The following WDR33 variants were observed in gnomAD, a reference collection of about 807,000 sequenced individuals.
WDR33 encodes the protein pre-mRNA 3' end processing protein WDR33.
Under a neutral mutation model 164.9 loss-of-function variants are expected in WDR33, and 47 were observed. That is an observed-to-expected ratio of 0.29 (90% CI 0.23 to 0.36). The LOEUF is 0.36. Ranked by LOEUF, WDR33 falls within the 10% of genes least tolerant of loss-of-function variation. WDR33 has a pLI of 1.00. For synonymous variants in WDR33, 505 were observed against 589.0 expected (o/e 0.86, Z 2.06); for missense variants, 1,137 against 1,754.1 (o/e 0.65, Z 6.28).
At chr2:127,792,600 G>A (rs543911073) in intron 1 of WDR33, among the ~76,000 whole-genome samples, 7 of 151,970 alleles carry the variant, frequency 4.6e-5, no homozygotes, top group South Asian at 2.1e-4. Context: ...CCTGGGAGGC[G>A]GAGGCAGAGG....
intron 7 of WDR33, among the ~76,000 whole-genome samples, chr2:127,750,679 T>A (rs370025908): frequency 0.045 from 1,026 of 22,694 alleles, 11 homozygotes; most frequent in Middle Eastern, 0.067. Flanking sequence ...AAAAAAAAAA[T>A]ATATATATAT....
At chr2:127,775,469 G>A (rs983843693) in intron 1 of WDR33, among the ~76,000 whole-genome samples, 4 of 152,192 alleles carry the variant, frequency 2.6e-5, no homozygotes, top group African/African-American at 7.2e-5. Flanking sequence ...GATTACAGGC[G>A]TGAGCCATCG....
At chr2:127,761,451 C>T (rs1375015582) in intron 7 of WDR33, among the ~76,000 whole-genome samples, 5 of 152,178 alleles carry the variant, frequency 3.3e-5, no homozygotes, top group African/African-American at 7.2e-5. Flanking sequence ...CCGCCCACCT[C>T]GGCCTCCCAA....
chr2:127,708,884 G>A lies in WDR33; in HGVS notation c.3574C>T (p.His1192Tyr). Residue 1192 changes from histidine (H) to tyrosine (Y), a missense_variant, in exon 21 of 22, where the codon CAT becomes TAT. Physicochemically the swap from His to Tyr is moderately conservative, Grantham distance 83. Around this residue, in one of 9 missense-constraint regions of WDR33, gnomAD observed 867 missense variants for 1,073.0 expected, o/e 0.81. Transcript: ENST00000322313. This position sits in a 1 kb window ranked among gnomAD's most constrained non-coding sequence, Gnocchi z 6.7. ...WDGNREPGPG[H>Y]EHFRDTPRPD... is the part of the protein sequence containing the mutation. ...CGGGGAGTATCACGAAAATGTTCAT[G>A]ACCTGGCCCTGAAACAAGAAACAAA... 1 of 1,560,194 alleles carries A rather than the reference G, an allele frequency of 6.4e-7. No individual in the cohort carries two copies. Among genetic ancestry groups the A allele is most frequent in the Non-Finnish European group, 8.7e-7 (1 of 1,148,912 alleles).
Position 127,702,141 on chromosome 2 carries a change from C to A in WDR33, c.*4182G>T. The A allele has an allele frequency of 8.2e-7, 1 of 1,215,694 alleles. No individual in the cohort carries two copies. The highest frequency in any genetic ancestry group is 3.2e-4 in the Middle Eastern group (1 of 3,108). The allele number at this position is 1,215,694 out of a possible 1,614,324, so 75.3% of individuals were successfully genotyped here. A position where few individuals can be genotyped will look rare whatever the true frequency, so the allele number is the denominator to read the frequency against. ...GCGCCTCGCACTGGGTCGCCTGGGC[C>A]GCGGCGCCGGCCTCGCCAAGGTGCT... is the stretch of plus-strand genomic sequence containing the variant. On this transcript the variant is annotated 3_prime_UTR_variant, in exon 22 of 22. Coordinates refer to ENST00000322313, the MANE Select transcript of WDR33 (RefSeq NM_018383.5).
chr2:127,794,828 C>T (rs1468612862), intron 1 of WDR33, among the ~76,000 whole-genome samples: 2 of 114,540 alleles, frequency 1.7e-5, no homozygotes, highest in Non-Finnish European at 3.4e-5. Context: ...AGCGAGACTC[C>T]GTTTCAAAAA....
rs774639936 is a variant in WDR33 at position 127,713,595 on chromosome 2, C to T, written c.3296G>A (p.Arg1099His). 30 of 1,614,090 alleles carry T rather than the reference C, an allele frequency of 1.9e-5. No homozygotes were observed. The highest frequency in any genetic ancestry group is 4.5e-5 in the East Asian group (2 of 44,898). The change falls in exon 18 of 22, where the codon CGC becomes CAC. Residue 1099 changes from arginine to histidine, a missense_variant. By Grantham distance (29) the Arg-to-His change is conservative. Transcript: ENST00000322313. The surrounding 1 kb of genome is among the most constrained non-coding windows in gnomAD (Gnocchi z 6.2). ...RDPEDPRFRG[R>H]REESFRRGAP... ...GTATCTGTCCCACCTTTCTTCTCTG[C>T]GCCCTCGAAAACGTGGGTCCTCGGG...
At position 127,764,033 on chromosome 2, in the gene WDR33, T is replaced by C; in HGVS notation, c.626+795A>G. On this transcript the variant is annotated intron_variant, in intron 6 of 21. Transcript: ENST00000322313. The surrounding 1 kb of genome is among the most constrained non-coding windows in gnomAD (Gnocchi z 6.2). Reference sequence around the variant, plus strand: ...AAAGATGTCAACCTCCTCCCACACATGGGTGGCACAACCTTAAAGAATGCT... The same window carrying C: ...AAAGATGTCAACCTCCTCCCACACACGGGTGGCACAACCTTAAAGAATGCT... The C allele has an allele frequency of 2.0e-6, 2 of 986,286 alleles. No individual in the cohort carries two copies. The highest frequency in any genetic ancestry group is 2.4e-6 in the Non-Finnish European group (2 of 830,616). 61.1% of individuals were successfully genotyped at this position (986,286 alleles called of 1,614,324 possible). A position where few individuals can be genotyped will look rare whatever the true frequency, so the allele number is the denominator to read the frequency against.
intron 1 of WDR33, among the ~76,000 whole-genome samples, chr2:127,781,239 T>C (rs1014261685): frequency 5.3e-5 from 8 of 152,182 alleles, no homozygotes; most frequent in African/African-American, 9.7e-5. Flanking sequence ...ATCCAAGAGA[T>C]TGCATATTGT....
intron 7 of WDR33, among the ~76,000 whole-genome samples, chr2:127,746,376 T>C (rs1458721489): frequency 1.3e-5 from 2 of 152,244 alleles, no homozygotes; most frequent in Non-Finnish European, 2.9e-5. Flanking sequence ...TCTCTTTTAA[T>C]ACCTTTCCTA....
chr2:127,736,412 G>A (rs1686843859), intron 7 of WDR33: 1 of 985,300 alleles, frequency 1.0e-6, no homozygotes. Context: ...CTGAGTGGTA[G>A]CACAGAAGTG....
At position 127,708,908 on chromosome 2, in the gene WDR33, A is replaced by G; in HGVS notation, c.3566-16T>C. 7.8e-6 allele frequency: 12 copies of G among 1,539,560 alleles called. No homozygotes were observed. The highest frequency in any genetic ancestry group is 1.1e-5 in the Non-Finnish European group (12 of 1,138,324). On this transcript the variant is annotated splice_polypyrimidine_tract_variant and intron_variant, in intron 20 of 21. Coordinates refer to ENST00000322313, the MANE Select transcript of WDR33 (RefSeq NM_018383.5). This position sits in a 1 kb window ranked among gnomAD's most constrained non-coding sequence, Gnocchi z 6.7. ...TGACCTGGCCCTGAAACAAGAAACA[A>G]ATCTCCTTACAGGAAAGCACAGTGT...
chr2:127,761,825 T>G (rs1253098195), intron 7 of WDR33, among the ~76,000 whole-genome samples: 1 of 152,200 alleles, frequency 6.6e-6, no homozygotes, highest in Non-Finnish European at 1.5e-5. Context: ...GTAAACTCCC[T>G]CAATGTGACA....
chr2:127,788,324 G>C (rs1413137879), intron 1 of WDR33, among the ~76,000 whole-genome samples: 1 of 120,150 alleles, frequency 8.3e-6, no homozygotes, highest in Non-Finnish European at 1.8e-5. Context: ...TCCCGGACGG[G>C]GCGGCTGGCC....
At chr2:127,797,347 C>A (rs1271048184) in intron 1 of WDR33, among the ~76,000 whole-genome samples, 1 of 152,004 alleles carries the variant, frequency 6.6e-6, no homozygotes, top group East Asian at 1.9e-4. Context: ...CAAAAATTAG[C>A]TGGGCGTGGT....
intron 7 of WDR33, among the ~76,000 whole-genome samples, chr2:127,730,767 CAGA>C (rs1299980465): frequency 2.0e-5 from 3 of 152,172 alleles, no homozygotes; most frequent in African/African-American, 4.8e-5. Flanking sequence ...TACGGATAGG[CAGA>C]AGATGAAAAT....
chr2:127,755,625 C>G (rs1276567416), intron 7 of WDR33, among the ~76,000 whole-genome samples: 1 of 152,160 alleles, frequency 6.6e-6, no homozygotes, highest in Non-Finnish European at 1.5e-5. Flanking sequence ...TGTGGTGGTG[C>G]CTTTTTTAGA....
At chr2:127,742,009 T>A (rs1405506627) in intron 7 of WDR33, among the ~76,000 whole-genome samples, 1 of 151,908 alleles carries the variant, frequency 6.6e-6, no homozygotes, top group Non-Finnish European at 1.5e-5. Flanking sequence ...AAGATCAGCC[T>A]GGCCAACATA....
In WDR33 at chr2:127,738,807, G is replaced by T. The variant is rs1421645569; in HGVS notation, c.725-12030C>A. Reference sequence around the variant, plus strand: ...GCTACTCAGGGCACACTGCCTATGGGTTAGTCCTGCCCCGCAAGCAGTCAC... The same window carrying T: ...GCTACTCAGGGCACACTGCCTATGGTTTAGTCCTGCCCCGCAAGCAGTCAC... On this transcript the variant is annotated intron_variant, in intron 7 of 21. Coordinates refer to ENST00000322313, the MANE Select transcript of WDR33 (RefSeq NM_018383.5). This position sits in a 1 kb window ranked among gnomAD's most constrained non-coding sequence, Gnocchi z 4.4. Among the ~76,000 whole-genome samples the T allele has an allele frequency of 6.6e-6, 1 of 152,142 alleles. No individual in the cohort carries two copies. Among genetic ancestry groups the T allele is most frequent in the Non-Finnish European group, 1.5e-5 (1 of 68,022 alleles).
Sources: gnomAD v4.1 joint callset for allele counts (sites outside exome capture counted in the v4.1 genomes callset) on GRCh38, gnomAD v4.1.1 for gene constraint, gnomAD v4.1.1 regional missense constraint, Gnocchi (gnomAD v3.1) non-coding constraint, MANE v1.5 for transcripts, NCBI Gene and HGNC (gene_info 2026-07-23, HGNC 2026-07-21) for gene names.